LRRC8B: variants seen among roughly 807,000 people sequenced by gnomAD.
LRRC8B encodes the protein volume-regulated anion channel subunit LRRC8B.
In LRRC8B, 23 loss-of-function variants were observed where a neutral mutation model predicts 58.8. The observed-to-expected ratio is 0.39, with a 90% confidence interval of 0.28 to 0.55. The LOEUF (loss-of-function observed/expected upper bound fraction) is 0.55. Ranked by LOEUF, LRRC8B falls within the 20% of genes least tolerant of loss-of-function variation. The pLI is 0.62. For synonymous variants in LRRC8B, 359 were observed against 374.1 expected (o/e 0.96, Z 0.47); for missense variants, 694 against 936.0 (o/e 0.74, Z 3.37).
chr1:89,532,741 G>A (rs1244319423), intron 1 of LRRC8B, among the ~76,000 whole-genome samples: 1 of 152,124 alleles, frequency 6.6e-6, no homozygotes, highest in Admixed American at 6.6e-5. Context: ...TGTGAGAATG[G>A]ACTAATACAC....
At chr1:89,535,368 A>G (rs1236225834) in intron 1 of LRRC8B, among the ~76,000 whole-genome samples, 1 of 152,012 alleles carries the variant, frequency 6.6e-6, no homozygotes, top group Non-Finnish European at 1.5e-5. Flanking sequence ...GGGAAAGAGC[A>G]TGGTTAGAAC....
chr1:89,530,323 C>T (rs186521329), intron 1 of LRRC8B, among the ~76,000 whole-genome samples: 2,293 of 151,838 alleles, frequency 0.015, 17 homozygotes, highest in Non-Finnish European at 0.026. Flanking sequence ...TGTGCCACTG[C>T]ACTCCAGCCT....
At chr1:89,588,801 T>C (rs1654800547) in intron 5 of LRRC8B, among the ~76,000 whole-genome samples, 1 of 152,222 alleles carries the variant, frequency 6.6e-6, no homozygotes, top group Non-Finnish European at 1.5e-5. Flanking sequence ...AAGACTCTCA[T>C]ACCTGAAAGG....
intron 1 of LRRC8B, among the ~76,000 whole-genome samples, chr1:89,551,741 G>T (rs1651832191): frequency 6.6e-6 from 1 of 152,164 alleles, no homozygotes; most frequent in African/African-American, 2.4e-5. Flanking sequence ...CTGACTAGCG[G>T]TCTGGCCTGC....
At chr1:89,568,081 T>A (rs1183520493) in intron 1 of LRRC8B, among the ~76,000 whole-genome samples, 166 bp from the exon 2 acceptor site, 1 of 152,268 alleles carries the variant, frequency 6.6e-6, no homozygotes, top group South Asian at 2.1e-4. Flanking sequence ...GCATAGATAC[T>A]TTCAGTTTGT....
intron 1 of LRRC8B, among the ~76,000 whole-genome samples, chr1:89,535,533 A>T (rs1650464841): frequency 6.6e-6 from 1 of 152,236 alleles, no homozygotes; most frequent in Admixed American, 6.5e-5. Flanking sequence ...TTATAAAAAC[A>T]ACAATAACAA....
At chr1:89,533,723 C>G (rs1650312849) in intron 1 of LRRC8B, among the ~76,000 whole-genome samples, 1 of 152,118 alleles carries the variant, frequency 6.6e-6, no homozygotes, top group Admixed American at 6.6e-5. Context: ...CCTGGGATTC[C>G]TGGGCCAGAC....
intron 1 of LRRC8B, among the ~76,000 whole-genome samples, chr1:89,529,764 A>G (rs746233519): frequency 3.9e-5 from 6 of 152,226 alleles, no homozygotes; most frequent in Admixed American, 1.3e-4. Context: ...GGTTAATGAT[A>G]CAGAATGGTT....
rs747247192 is a variant in LRRC8B at position 89,592,940 on chromosome 1, G to T, written c.2309G>T (p.Cys770Phe). 3 of 1,614,160 alleles carry T rather than the reference G, an allele frequency of 1.9e-6. No homozygotes were observed. The highest frequency in any genetic ancestry group is 2.5e-6 in the Non-Finnish European group (3 of 1,180,012). ...LETLPPELEG[C>F]QSLKRNCLIV... is the part of the protein sequence containing the mutation. Reference sequence around the variant, plus strand: ...ACACTTCCTCCTGAACTAGAAGGATGTCAGTCCCTAAAACGGAACTGTCTG... The same window carrying T: ...ACACTTCCTCCTGAACTAGAAGGATTTCAGTCCCTAAAACGGAACTGTCTG... Residue 770 changes from cysteine to phenylalanine, a missense_variant, in exon 6 of 6, where the codon TGT becomes TTT. By Grantham distance (205) the Cys-to-Phe change is radical (BLOSUM62 -2). Coordinates refer to ENST00000330947, the MANE Select transcript of LRRC8B (RefSeq NM_001369817.2).
At chr1:89,568,133 A>G (rs371495603) in intron 1 of LRRC8B, 114 bp from the exon 2 acceptor site, 3 of 152,268 alleles carry the variant, frequency 2.0e-5, no homozygotes, top group African/African-American at 7.2e-5. Flanking sequence ...ACTCATATAT[A>G]ATGCTATCTT....
rs746137406 is a variant in LRRC8B, at chr1:89,583,590, G to A, written c.940G>A (p.Val314Ile). ...CVYSLAEIFK[V>I]LASFYVILVI... ...CTATTCCTTGGCAGAAATCTTTAAG[G>A]TCCTGGCTTCATTTTATGTCATTTT... The change falls in exon 5 of 6, where the codon GTC (valine) becomes ATC (isoleucine). Residue 314 changes from valine (V) to isoleucine (I), a missense_variant. Physicochemically the swap from Val to Ile is conservative, Grantham distance 29 (BLOSUM62 3). This residue lies in a region of LRRC8B where 316 missense variants were observed against 403.8 expected (regional missense o/e 0.78). Coordinates refer to ENST00000330947, the MANE Select transcript of LRRC8B (RefSeq NM_001369817.2). The surrounding 1 kb of genome is among the most constrained non-coding windows in gnomAD (Gnocchi z 5.2). The A allele has an allele frequency of 2.5e-6, 4 of 1,611,164 alleles. No homozygotes were observed. The South Asian group carries it at 3.3e-5, about 13-fold the overall frequency.
At chr1:89,532,960 C>A (rs1267649454) in intron 1 of LRRC8B, among the ~76,000 whole-genome samples, 5 of 152,174 alleles carry the variant, frequency 3.3e-5, no homozygotes, top group Non-Finnish European at 5.9e-5. Context: ...GCTTTATTCT[C>A]CCTACAGTCC....
At chr1:89,568,909 A>G (rs1332900183) in intron 3 of LRRC8B, among the ~76,000 whole-genome samples, 3 of 152,176 alleles carry the variant, frequency 2.0e-5, no homozygotes, top group East Asian at 1.9e-4. Context: ...GCATACTTCT[A>G]TTAAGTAAAA....
At chr1:89,539,983 A>G (rs968960814) in intron 1 of LRRC8B, among the ~76,000 whole-genome samples, 3 of 152,212 alleles carry the variant, frequency 2.0e-5, no homozygotes, top group African/African-American at 7.2e-5. Flanking sequence ...TTAGCTTTCC[A>G]TAAGATCCAG....
intron 5 of LRRC8B, 81 bp downstream of exon 5, chr1:89,584,870 A>G: frequency 1.0e-6 from 1 of 1,003,578 alleles, no homozygotes; most frequent in Non-Finnish European, 1.5e-6. Context: ...CACACTTCAA[A>G]TCATACTGTG....
intron 1 of LRRC8B, among the ~76,000 whole-genome samples, chr1:89,558,207 C>T (rs1652335037): frequency 6.6e-6 from 1 of 152,086 alleles, no homozygotes; most frequent in Non-Finnish European, 1.5e-5. Context: ...GTCAAGTGAT[C>T]AGTGATCACT....
chr1:89,559,067 A>G (rs1034842653), intron 1 of LRRC8B: 4 of 152,174 alleles, frequency 2.6e-5, no homozygotes, highest in African/African-American at 9.7e-5. Context: ...AGGAAACGGT[A>G]GATGCAGTTT....
intron 5 of LRRC8B, among the ~76,000 whole-genome samples, 165 bp downstream of exon 5, chr1:89,584,954 A>G (rs1654521559): frequency 6.6e-6 from 1 of 152,232 alleles, no homozygotes; most frequent in South Asian, 2.1e-4. Context: ...AACCTAAATT[A>G]CAAGTCATCG....
intron 1 of LRRC8B, among the ~76,000 whole-genome samples, chr1:89,537,866 T>C (rs1301088480): frequency 1.3e-5 from 2 of 152,234 alleles, no homozygotes; most frequent in Admixed American, 6.5e-5. Context: ...TATAAGGAAC[T>C]GGACCTCACT....
Sources: gnomAD v4.1 joint callset for allele counts (sites outside exome capture counted in the v4.1 genomes callset) on GRCh38, gnomAD v4.1.1 for gene constraint, gnomAD v4.1.1 regional missense constraint, Gnocchi (gnomAD v3.1) non-coding constraint, MANE v1.5 for transcripts, NCBI Gene and HGNC (gene_info 2026-07-23, HGNC 2026-07-21) for gene names.